Variants in UNC13A observed in about 807,000 individuals in gnomAD.
UNC13A encodes the protein unc-13 homolog A.
UNC13A carries 61 observed loss-of-function variants against 219.7 expected under a neutral mutation model. The ratio of observed to expected loss-of-function variants is 0.28; its 90% CI spans 0.23 to 0.34. UNC13A has a LOEUF of 0.34. Ranked by LOEUF, UNC13A falls within the 10% of genes least tolerant of loss-of-function variation. The probability of loss-of-function intolerance (pLI) is 1.00; values close to 1 mark genes in which losing one functional copy is unlikely to be tolerated. For missense variants in UNC13A, 1,476 were observed against 2,270.3 expected (o/e 0.65, Z 7.11); for synonymous variants, 920 against 884.6 (o/e 1.04, Z -0.71).
chr19:17,675,240 G>A (rs558090240), intron 2 of UNC13A, among the ~76,000 whole-genome samples: 2 of 151,924 alleles, frequency 1.3e-5, no homozygotes, highest in East Asian at 1.9e-4. Flanking sequence ...AGGCTGAGGT[G>A]GGAGGATTGC....
chr19:17,649,227 A>G lies in UNC13A; in HGVS notation c.1524+112T>C. ...ACCCCTGACTCACAGCATCCAACACAGTGGGACATGGCAAGGTTCCCCCAT... is the reference window on the plus strand; with the variant it reads ...ACCCCTGACTCACAGCATCCAACACGGTGGGACATGGCAAGGTTCCCCCAT... On this transcript the variant is annotated intron_variant, in intron 14 of 43. Transcript: ENST00000519716. This position sits in a 1 kb window ranked among gnomAD's most constrained non-coding sequence, Gnocchi z 4.4. 6.7e-7 allele frequency: 1 copy of G among 1,502,498 alleles called. No individual in the cohort carries two copies. The highest frequency in any genetic ancestry group is 9.0e-7 in the Non-Finnish European group (1 of 1,116,300). The allele number at this position is 1,502,498 out of a possible 1,614,324, so 93.1% of individuals were successfully genotyped here.
chr19:17,615,540 G>A (rs1347142865), intron 41 of UNC13A, among the ~76,000 whole-genome samples: 2 of 152,112 alleles, frequency 1.3e-5, no homozygotes, highest in Non-Finnish European at 2.9e-5. Context: ...TTAGCCAGGC[G>A]TGGTGGTGCG....
At chr19:17,672,694 G>A (rs974481202) in intron 3 of UNC13A, among the ~76,000 whole-genome samples, 199 bp from the exon 4 acceptor site, 3 of 152,054 alleles carry the variant, frequency 2.0e-5, no homozygotes, top group East Asian at 1.9e-4. Context: ...TTAAGAGCTC[G>A]GGGTATCACA....
chr19:17,644,257 T>TCTC (rs2077000492), intron 19 of UNC13A, among the ~76,000 whole-genome samples: 2 of 149,156 alleles, frequency 1.3e-5, no homozygotes, highest in African/African-American at 4.9e-5. Flanking sequence ...GGCATGATCA[T>TCTC]AGCTCACTGC....
chr19:17,638,969 G>C, intron 25 of UNC13A, 114 bp downstream of exon 25: 1 of 1,260,028 alleles, frequency 7.9e-7, no homozygotes, highest in Non-Finnish European at 1.0e-6. Context: ...CCATTTTATA[G>C]AAGAAGATAC....
intron 10 of UNC13A, 101 bp from the exon 11 acceptor site, chr19:17,655,483 A>T (rs2079433188): frequency 9.4e-6 from 9 of 952,620 alleles, no homozygotes; most frequent in Non-Finnish European, 1.3e-5. Flanking sequence ...TCCCCATGGT[A>T]TCTCTGACCC....
At chr19:17,680,607 G>A (rs901045031) in intron 1 of UNC13A, among the ~76,000 whole-genome samples, 2 of 152,084 alleles carry the variant, frequency 1.3e-5, no homozygotes, top group Non-Finnish European at 2.9e-5. Flanking sequence ...CTGGCTTCGC[G>A]CCTCCGTTTC....
At position 17,606,273 on chromosome 19, in the gene UNC13A, G is replaced by A; in HGVS notation, c.4893C>T (p.Arg1631=). Reference sequence around the variant, plus strand: ...GCTGCAGCACGGCCAGCCCCACCGTGCGGTCCTCGCGCGCGAAGCAGTAGT... The same window carrying A: ...GCTGCAGCACGGCCAGCCCCACCGTACGGTCCTCGCGCGCGAAGCAGTAGT... The part of the protein sequence containing the change: ...VKDYCFARED[R]TVGLAVLQLR... Residue 1631 remains arginine (R), a synonymous_variant, in exon 44 of 44, where the codon CGC becomes CGT. Transcript: ENST00000519716. The A allele has an allele frequency of 1.3e-6, 2 of 1,547,950 alleles. No homozygotes were observed. Among genetic ancestry groups the A allele is most frequent in the South Asian group, 1.2e-5 (1 of 84,140 alleles).
chr19:17,647,990 C>T (rs1233852414), intron 16 of UNC13A, among the ~76,000 whole-genome samples: 5 of 147,950 alleles, frequency 3.4e-5, no homozygotes, highest in African/African-American at 1.0e-4. Context: ...TTCTCTTGGT[C>T]CCACCTCCTC....
chr19:17,651,671 C>T (rs573628624), intron 12 of UNC13A, among the ~76,000 whole-genome samples: 35 of 152,280 alleles, frequency 2.3e-4, no homozygotes, highest in African/African-American at 8.4e-4. Context: ...TCTCGGCAGC[C>T]TCCCCTTGTC....
intron 8 of UNC13A, among the ~76,000 whole-genome samples, chr19:17,660,048 A>T (rs1211079282): frequency 2.6e-5 from 4 of 151,990 alleles, no homozygotes; most frequent in African/African-American, 9.7e-5. Flanking sequence ...GGCACACACC[A>T]CCACACCCAG....
chr19:17,635,496 A>T (rs2076904013), intron 26 of UNC13A, among the ~76,000 whole-genome samples: 1 of 152,070 alleles, frequency 6.6e-6, no homozygotes, highest in Admixed American at 6.5e-5. Context: ...AAATCCACAA[A>T]TGAAAACTGT....
chr19:17,630,229 T>A lies in UNC13A; in HGVS notation c.3585A>T (p.Gln1195His). 6.4e-7 allele frequency: 1 copy of A among 1,555,614 alleles called. No homozygotes were observed. ...TGATGATTTCAAAGCTCTGGTTGAG[T>A]TGGGAGAAAACATCCACCACGGAGC... Reference protein sequence around the residue: ...FSCSVVDVFSQLNQSFEIIKK... With the variant: ...FSCSVVDVFSHLNQSFEIIKK... The change falls in exon 30 of 44, where the codon CAA becomes CAT. Residue 1195 changes from glutamine (Q) to histidine (H), a missense_variant. Around this residue, in one of 14 missense-constraint regions of UNC13A, gnomAD observed 218 missense variants for 409.4 expected, o/e 0.53. Coordinates refer to ENST00000519716, the MANE Select transcript of UNC13A (RefSeq NM_001080421.3).
Position 17,606,327 on chromosome 19 carries a change from C to T in UNC13A, c.4839G>A (p.Glu1613=), listed in dbSNP as rs558914273. ...QFTLSADAGP[E]CYELQVCVKD... is the part of the protein sequence containing the mutation. Reference sequence around the variant, plus strand: ...TGACGCACACCTGCAGCTCATAGCACTCGGGACCCGCGTCGGCGCTCAGCG... The same window carrying T: ...TGACGCACACCTGCAGCTCATAGCATTCGGGACCCGCGTCGGCGCTCAGCG... Residue 1613 remains glutamate, a synonymous_variant, in exon 44 of 44, where the codon GAG becomes GAA. Transcript: ENST00000519716. 2.2e-5 allele frequency: 34 copies of T among 1,548,074 alleles called. 1 individual carries two copies. The East Asian group carries it at 3.4e-4, about 16-fold the overall frequency.
At chr19:17,687,376 G>A (rs2080134598) in intron 1 of UNC13A, among the ~76,000 whole-genome samples, 1 of 152,168 alleles carries the variant, frequency 6.6e-6, no homozygotes, top group Non-Finnish European at 1.5e-5. Flanking sequence ...GCCAGGAGGG[G>A]GACCAGGAGA....
rs1199318266 is a variant in UNC13A, at chr19:17,655,316, G to T, written c.1350C>A (p.Asn450Lys). The T allele has an allele frequency of 6.3e-7, 1 of 1,590,736 alleles. No homozygotes were observed. Among genetic ancestry groups the T allele is most frequent in the Non-Finnish European group, 8.6e-7 (1 of 1,169,386 alleles). Reference sequence around the variant, plus strand: ...GCACCTTGTTGAAGGCACGCAGCCAGTTGGCCTTGGCCCTGGACATGGAGT... The same window carrying T: ...GCACCTTGTTGAAGGCACGCAGCCATTTGGCCTTGGCCCTGGACATGGAGT... ...GQDSMSRAKA[N>K]WLRAFNKVRM... Residue 450 changes from asparagine to lysine, a missense_variant, in exon 11 of 44, where the codon AAC becomes AAA. By Grantham distance (94) the Asn-to-Lys change is moderately conservative. Around this residue, in one of 14 missense-constraint regions of UNC13A, gnomAD observed 351 missense variants for 342.6 expected, o/e 1.02. Transcript: ENST00000519716.
intron 6 of UNC13A, 74 bp downstream of exon 6, chr19:17,668,043 T>A (rs2079693814): frequency 8.8e-6 from 13 of 1,469,098 alleles, no homozygotes; most frequent in Admixed American, 7.1e-5. Flanking sequence ...AGAAACAGCA[T>A]CTGTAAGTGA....
Position 17,618,541 on chromosome 19 carries a change from C to T in UNC13A, c.4330-40G>A, listed in dbSNP as rs1015194435. On this transcript the variant is annotated intron_variant, in intron 39 of 43. Transcript: ENST00000519716. ...AGAGGGGCCATGTGGGTGGAGTGGG[C>T]TCCACCTTTGGAATCTGTGTCTATG... 4 of 1,555,832 alleles carry T rather than the reference C, an allele frequency of 2.6e-6. No individual in the cohort carries two copies. The African/African-American group carries it at 4.1e-5, about 16-fold the overall frequency.
At chr19:17,640,711 A>G in intron 21 of UNC13A, 50 bp from the exon 22 acceptor site, 1 of 1,503,222 alleles carries the variant, frequency 6.7e-7, no homozygotes. Flanking sequence ...GCCAGGATGG[A>G]CCAAGATCCC....
Sources: allele counts gnomAD v4.1 joint callset (sites outside exome capture counted in the v4.1 genomes callset), GRCh38; gene constraint gnomAD v4.1.1; regional missense constraint gnomAD v4.1.1; non-coding constraint Gnocchi (gnomAD v3.1); transcripts MANE v1.5; gene names NCBI Gene and HGNC (gene_info 2026-07-23, HGNC 2026-07-21).